Variants in GPR107 observed in about 807,000 individuals in gnomAD.
GPR107 encodes the protein G protein-coupled receptor 107, also known as protein GPR107.
In GPR107, 31 loss-of-function variants were observed where a neutral mutation model predicts 75.5. That is an observed-to-expected ratio of 0.41 (90% CI 0.31 to 0.55). The LOEUF is 0.55. Ranked by LOEUF, GPR107 falls within the 20% of genes least tolerant of loss-of-function variation. The probability of loss-of-function intolerance (pLI) is 0.26; values close to 1 mark genes in which losing one functional copy is unlikely to be tolerated. For synonymous variants in GPR107, 267 were observed against 251.3 expected (o/e 1.06, Z -0.59); for missense variants, 572 against 665.7 (o/e 0.86, Z 1.55).
chr9:130,096,295 G>GT (rs1830867056), intron 9 of GPR107, among the ~76,000 whole-genome samples: 1 of 151,978 alleles, frequency 6.6e-6, no homozygotes, highest in Non-Finnish European at 1.5e-5. Context: ...GAACAGGAAA[G>GT]TACCAGGGAG....
At position 130,112,130 on chromosome 9, in the gene GPR107, C is replaced by CT. The variant is rs1338234813; in HGVS notation, c.1306+4598dup. ...TTAACAGTCTCTGCTGCTCACCATCCTTTTTTTGGGCCTTGTGTTTCTGAG... is the reference window on the plus strand; with the variant it reads ...TTAACAGTCTCTGCTGCTCACCATCCTTTTTTTTGGGCCTTGTGTTTCTGAG... On this transcript the variant is annotated intron_variant, in intron 14 of 17. Transcript: ENST00000347136. This position sits in a 1 kb window ranked among gnomAD's most constrained non-coding sequence, Gnocchi z 4.0. Among the ~76,000 whole-genome samples, 2 of 152,144 alleles carry CT rather than the reference C, an allele frequency of 1.3e-5. No individual in the cohort carries two copies.
chr9:130,100,749 G>T, intron 11 of GPR107, 47 bp downstream of exon 11: 1 of 1,411,530 alleles, frequency 7.1e-7, no homozygotes, highest in South Asian at 1.1e-5. Flanking sequence ...TGACATACAA[G>T]ACAAGGGGGG....
intron 15 of GPR107, among the ~76,000 whole-genome samples, chr9:130,126,901 G>C (rs189865055): frequency 6.6e-6 from 1 of 152,170 alleles, no homozygotes; most frequent in Non-Finnish European, 1.5e-5. Context: ...TGACCAGCAG[G>C]CCAGCTGAGC....
chr9:130,090,394 CT>C (rs940124967), intron 7 of GPR107, among the ~76,000 whole-genome samples: 1 of 152,118 alleles, frequency 6.6e-6, no homozygotes, highest in Non-Finnish European at 1.5e-5. Flanking sequence ...GATGAGCCTC[CT>C]TTTTAAAGAG....
chr9:130,113,385 C>T (rs1831351747), intron 14 of GPR107, among the ~76,000 whole-genome samples: 1 of 151,820 alleles, frequency 6.6e-6, no homozygotes, highest in African/African-American at 2.4e-5. Context: ...GGTCTTTCCA[C>T]CATGCCCGGC....
At chr9:130,130,000 C>T (rs1166166453) in intron 17 of GPR107, 4 of 152,332 alleles carry the variant, frequency 2.6e-5, no homozygotes, top group East Asian at 3.9e-4. Flanking sequence ...ATTTTTGTTT[C>T]GTGGCAACAA....
chr9:130,126,206 A>G (rs1056383555), intron 15 of GPR107, among the ~76,000 whole-genome samples: 7 of 146,892 alleles, frequency 4.8e-5, no homozygotes, highest in Non-Finnish European at 1.0e-4. Flanking sequence ...TCTGATGGAC[A>G]TGAAAAGTTC....
At chr9:130,114,150 G>T (rs1831369479) in intron 14 of GPR107, among the ~76,000 whole-genome samples, 1 of 149,000 alleles carries the variant, frequency 6.7e-6, no homozygotes. Context: ...AAACGGATCA[G>T]TTGAGGTCAG....
At chr9:130,098,393 CA>C (rs1830932860) in intron 9 of GPR107, among the ~76,000 whole-genome samples, 1 of 152,202 alleles carries the variant, frequency 6.6e-6, no homozygotes. Flanking sequence ...TTTCTCCTCA[CA>C]CATCCCTACT....
chr9:130,122,564 G>A (rs933937056), intron 14 of GPR107, among the ~76,000 whole-genome samples: 2 of 152,206 alleles, frequency 1.3e-5, no homozygotes, highest in Non-Finnish European at 2.9e-5. Context: ...AGCAGTGGCT[G>A]TGTGTGCATG....
At chr9:130,106,501 G>A (rs1465683632) in intron 13 of GPR107, among the ~76,000 whole-genome samples, 2 of 151,846 alleles carry the variant, frequency 1.3e-5, no homozygotes, top group East Asian at 3.9e-4. Context: ...GGAGGCTGAG[G>A]CAGGAGAATT....
intron 9 of GPR107, 123 bp downstream of exon 9, chr9:130,092,504 C>A (rs901931509): frequency 5.1e-6 from 4 of 781,284 alleles, no homozygotes; most frequent in Non-Finnish European, 8.8e-6. Context: ...AGGGCATCTT[C>A]CCGGAAACAG....
chr9:130,057,833 A>AT (rs201734552), intron 1 of GPR107, among the ~76,000 whole-genome samples: 2,294 of 98,524 alleles, frequency 0.023, 43 homozygotes, highest in African/African-American at 0.05. Flanking sequence ...ATTTATTATT[A>AT]TTATTTTTTT....
chr9:130,082,882 A>G (rs2132574510), intron 5 of GPR107, among the ~76,000 whole-genome samples: 1 of 151,930 alleles, frequency 6.6e-6, no homozygotes, highest in East Asian at 2.0e-4. Flanking sequence ...CATTATGCTA[A>G]TATTACTTGC....
At chr9:130,067,007 G>A (rs895403146) in intron 1 of GPR107, among the ~76,000 whole-genome samples, 1 of 152,008 alleles carries the variant, frequency 6.6e-6, no homozygotes, top group Non-Finnish European at 1.5e-5. Flanking sequence ...AAAGAGCTTG[G>A]TTATGGCAGC....
At chr9:130,108,384 G>A (rs1002526563) in intron 14 of GPR107, among the ~76,000 whole-genome samples, 2 of 152,126 alleles carry the variant, frequency 1.3e-5, no homozygotes, top group African/African-American at 4.8e-5. Flanking sequence ...TAGAAAATTC[G>A]GAAAATGCAT....
chr9:130,104,346 C>G lies in GPR107; in HGVS notation c.1132-74C>G, dbSNP rs567164972. The G allele has an allele frequency of 3.7e-5, 52 of 1,408,166 alleles. No homozygotes were observed. The African/African-American group carries it at 6.9e-4, about 19-fold the overall frequency. The allele number at this position is 1,408,166 out of a possible 1,614,324, so 87.2% of individuals were successfully genotyped here. On this transcript the variant is annotated intron_variant, in intron 12 of 17. Transcript: ENST00000347136. Reference sequence around the variant, plus strand: ...GTGGGTCTGGAGGCCAAGGTGTACACCCCACATTGGGGCTGCTAGCATCAT... The same window carrying G: ...GTGGGTCTGGAGGCCAAGGTGTACAGCCCACATTGGGGCTGCTAGCATCAT...
At chr9:130,066,221 C>G (rs927734152) in intron 1 of GPR107, among the ~76,000 whole-genome samples, 1 of 152,090 alleles carries the variant, frequency 6.6e-6, no homozygotes, top group African/African-American at 2.4e-5. Context: ...ATCGCTTGAA[C>G]CCGGGAGGCA....
intron 9 of GPR107, among the ~76,000 whole-genome samples, chr9:130,094,784 G>A (rs924219912): frequency 1.3e-5 from 2 of 151,910 alleles, no homozygotes; most frequent in Admixed American, 1.3e-4. Flanking sequence ...AGGTTCAAGC[G>A]ATTCTCTTGC....
Sources: allele counts gnomAD v4.1 joint callset (sites outside exome capture counted in the v4.1 genomes callset), GRCh38; gene constraint gnomAD v4.1.1; non-coding constraint Gnocchi (gnomAD v3.1); transcripts MANE v1.5; gene names NCBI Gene and HGNC (gene_info 2026-07-23, HGNC 2026-07-21).